The following GRID2 variants were observed in gnomAD, a reference collection of about 807,000 sequenced individuals.
The protein encoded by GRID2 is glutamate ionotropic receptor delta type subunit 2.
A neutral mutation model predicts 114.8 loss-of-function variants in GRID2; 33 were observed. The ratio of observed to expected loss-of-function variants is 0.29; its 90% CI spans 0.22 to 0.38. The LOEUF (loss-of-function observed/expected upper bound fraction) is 0.38. Ranked by LOEUF, GRID2 falls within the 10% of genes least tolerant of loss-of-function variation. The pLI, the probability that GRID2 is intolerant of heterozygous loss-of-function variation, is 1.00. For synonymous variants in GRID2, 505 were observed against 449.9 expected (o/e 1.12, Z -1.55); for missense variants, 1,184 against 1,257.7 (o/e 0.94, Z 0.89).
chr4:92,574,411 G>GT (rs1727783712), intron 1 of GRID2, among the ~76,000 whole-genome samples: 3 of 122,942 alleles, frequency 2.4e-5, no homozygotes, highest in Admixed American at 1.8e-4. Context: ...CTGTACTTTA[G>GT]TATTTTTTTT....
chr4:93,396,678 A>G (rs187378598), intron 9 of GRID2, among the ~76,000 whole-genome samples: 27 of 152,192 alleles, frequency 1.8e-4, no homozygotes, highest in African/African-American at 5.8e-4. Context: ...AAGATCTGTT[A>G]CAATTTCATT....
At chr4:92,874,266 T>TAA (rs1745477541) in intron 2 of GRID2, among the ~76,000 whole-genome samples, 1 of 152,210 alleles carries the variant, frequency 6.6e-6, no homozygotes, top group Non-Finnish European at 1.5e-5. Flanking sequence ...TGTTGTAGCG[T>TAA]CTTCCAATTA....
chr4:93,352,101 T>A (rs1056486053), intron 8 of GRID2, among the ~76,000 whole-genome samples: 1 of 152,044 alleles, frequency 6.6e-6, no homozygotes, highest in African/African-American at 2.4e-5. Flanking sequence ...GTAGCAAGAT[T>A]AGAGAGCACT....
intron 1 of GRID2, among the ~76,000 whole-genome samples, chr4:92,486,055 C>G (rs1191348642): frequency 1.3e-5 from 2 of 151,660 alleles, no homozygotes; most frequent in Non-Finnish European, 2.9e-5. Context: ...TACCTGACCT[C>G]TGGTTTCTAT....
At chr4:93,315,288 T>C (rs1283483971) in intron 8 of GRID2, among the ~76,000 whole-genome samples, 1 of 152,130 alleles carries the variant, frequency 6.6e-6, no homozygotes, top group African/African-American at 2.4e-5. Context: ...GGATGAGATT[T>C]GGGTGGAGAC....
Position 93,085,618 on chromosome 4 carries a change from A to C in GRID2, c.529+339A>C, listed in dbSNP as rs117802898. Among the ~76,000 whole-genome samples the C allele has an allele frequency of 4.3e-3, 658 of 152,300 alleles. 20 individuals carry two copies. The East Asian group carries it at 0.062, about 14-fold the overall frequency. On this transcript the variant is annotated intron_variant, in intron 3 of 15. Transcript: ENST00000282020. ...CACCGTCTTTCTTCCCTTTCAAAAA[A>C]ATGTATACCTCTCTATAATGCAGAA...
intron 2 of GRID2, among the ~76,000 whole-genome samples, chr4:92,953,339 G>C (rs1414850197): frequency 6.6e-6 from 1 of 152,046 alleles, no homozygotes; most frequent in Non-Finnish European, 1.5e-5. Flanking sequence ...TCATTATAAA[G>C]ATTACATTCA....
chr4:93,259,144 T>G (rs1579455141), intron 8 of GRID2, among the ~76,000 whole-genome samples: 1 of 151,830 alleles, frequency 6.6e-6, no homozygotes, highest in Non-Finnish European at 1.5e-5. Flanking sequence ...ATTAATCCTG[T>G]GTGAATAGAT....
Position 93,422,930 on chromosome 4 carries a change from G to T in GRID2, c.1507G>T (p.Gly503Trp). 1.9e-6 allele frequency: 3 copies of T among 1,613,556 alleles called. No individual in the cohort carries two copies. Among genetic ancestry groups the T allele is most frequent in the Non-Finnish European group, 2.5e-6 (3 of 1,179,568 alleles). The change falls in exon 10 of 16, where the codon GGG becomes TGG. Residue 503 changes from glycine (G) to tryptophan (W), a missense_variant. Physicochemically the swap from Gly to Trp is radical, Grantham distance 184 (BLOSUM62 -2). Transcript: ENST00000282020. ...DHKYGSPQED[G>W]TWNGLVGELV... ...CAAATACGGAAGCCCACAAGAAGAT[G>T]GGACATGGAATGGCTTGGTAGGAGA...
chr4:93,573,537 A>G (rs1202615287), intron 13 of GRID2, among the ~76,000 whole-genome samples: 1 of 152,180 alleles, frequency 6.6e-6, no homozygotes, highest in South Asian at 2.1e-4. Context: ...AATGCAGATT[A>G]ACTTGAAACA....
rs1474323595 is a variant in GRID2 at position 93,216,767 on chromosome 4, T to G, written c.819T>G (p.Leu273=). 1.2e-6 allele frequency: 2 copies of G among 1,612,006 alleles called. No individual in the cohort carries two copies. Among genetic ancestry groups the G allele is most frequent in the South Asian group, 2.2e-5 (2 of 91,030 alleles). ...EEINDVDVQE[L]VRRSIGRLTI... ...TAAACGATGTGGACGTACAGGAACTTGTAAGAAGGTCAATTGGAAGGTTAA... is the reference window on the plus strand; with the variant it reads ...TAAACGATGTGGACGTACAGGAACTGGTAAGAAGGTCAATTGGAAGGTTAA... Residue 273 remains leucine (L), a synonymous_variant, in exon 6 of 16, where the codon CTT becomes CTG. Coordinates refer to ENST00000282020, the MANE Select transcript of GRID2 (RefSeq NM_001510.4).
At chr4:92,826,498 T>TC (rs1741709127) in intron 2 of GRID2, among the ~76,000 whole-genome samples, 1 of 152,098 alleles carries the variant, frequency 6.6e-6, no homozygotes, top group Admixed American at 6.6e-5. Context: ...GGTCTGTTAT[T>TC]CCCACTGGAG....
At chr4:92,576,194 A>G (rs1036269254) in intron 1 of GRID2, among the ~76,000 whole-genome samples, 2 of 152,216 alleles carry the variant, frequency 1.3e-5, no homozygotes, top group Non-Finnish European at 2.9e-5. Context: ...CCATCCACTG[A>G]GAAGGAATGG....
chr4:92,587,018 T>A (rs1413430480), intron 1 of GRID2, among the ~76,000 whole-genome samples: 1 of 151,792 alleles, frequency 6.6e-6, no homozygotes, highest in South Asian at 2.1e-4. Context: ...TCAGGAGGTG[T>A]TCCTTTCCTG....
At position 92,800,603 on chromosome 4, in the gene GRID2, A is replaced by G. The variant is rs555683796; in HGVS notation, c.244+210317A>G. On this transcript the variant is annotated intron_variant, in intron 2 of 15. Transcript: ENST00000282020. ...ATTACTGCTGTTTACAGCCAGTTGG[A>G]ACTGGCATCATATTCACTTTTGATA... is the stretch of plus-strand genomic sequence containing the variant. 3.9e-5 allele frequency among the ~76,000 whole-genome samples: 6 copies of G among 152,132 alleles called. No homozygotes were observed. The East Asian group carries it at 9.7e-4, about 25-fold the overall frequency.
chr4:93,755,844 G>C (rs1353433911), intron 14 of GRID2, among the ~76,000 whole-genome samples: 1 of 152,170 alleles, frequency 6.6e-6, no homozygotes, highest in Admixed American at 6.5e-5. Context: ...TGAAGTGCTA[G>C]AAAACAATTC....
chr4:92,421,210 G>A (rs1013698309), intron 1 of GRID2, among the ~76,000 whole-genome samples: 5 of 151,244 alleles, frequency 3.3e-5, no homozygotes, highest in African/African-American at 9.7e-5. Flanking sequence ...TGTTTGTTGA[G>A]TGCTCTGTAT....
At chr4:93,229,021 T>G (rs1745811908) in intron 7 of GRID2, among the ~76,000 whole-genome samples, 1 of 152,178 alleles carries the variant, frequency 6.6e-6, no homozygotes, top group Admixed American at 6.6e-5. Flanking sequence ...CCTGTCAGCT[T>G]CTGCCCCAGT....
chr4:92,853,206 C>T (rs570730280), intron 2 of GRID2, among the ~76,000 whole-genome samples: 30 of 151,900 alleles, frequency 2.0e-4, no homozygotes, highest in African/African-American at 6.8e-4. Flanking sequence ...CACAAAGTAT[C>T]AGAAGGATTA....
Sources: gnomAD v4.1 joint callset for allele counts (sites outside exome capture counted in the v4.1 genomes callset) on GRCh38, gnomAD v4.1.1 for gene constraint, MANE v1.5 for transcripts, NCBI Gene and HGNC (gene_info 2026-07-23, HGNC 2026-07-21) for gene names.